TEX15: variants seen among roughly 807,000 people sequenced by gnomAD.
TEX15 encodes testis expressed 15, meiosis and synapsis associated, also known as testis-expressed protein 15.
Under a neutral mutation model 237.3 loss-of-function variants are expected in TEX15, and 171 were observed. The ratio of observed to expected loss-of-function variants is 0.72; its 90% CI spans 0.64 to 0.82. The LOEUF (loss-of-function observed/expected upper bound fraction) is 0.82. Ranked by LOEUF, TEX15 falls within the 40% of genes least tolerant of loss-of-function variation. The pLI, the probability that TEX15 is intolerant of heterozygous loss-of-function variation, is 0.00. For synonymous variants in TEX15, 1,338 were observed against 1,269.8 expected (o/e 1.05, Z -1.14); for missense variants, 3,750 against 3,646.5 (o/e 1.03, Z -0.73).
rs755629625 is a variant in TEX15 at position 30,860,831 on chromosome 8, G to A, written c.541-774C>T. 4.0e-5 allele frequency among the ~76,000 whole-genome samples: 6 copies of A among 150,974 alleles called. No homozygotes were observed. In the East Asian group the frequency reaches 5.9e-4, roughly 15 times the overall value. On this transcript the variant is annotated intron_variant, in intron 5 of 10. Coordinates refer to ENST00000643185, the MANE Select transcript of TEX15 (RefSeq NM_001350162.2). ...TCCGAAAAGCGTTGGGATTACAGGC[G>A]TGAGCCACCGCGCCCAGCCGAGAAT...
intron 1 of TEX15, among the ~76,000 whole-genome samples, chr8:30,911,836 G>T (rs1809225945): frequency 6.6e-6 from 1 of 152,220 alleles, no homozygotes; most frequent in Non-Finnish European, 1.5e-5. Flanking sequence ...GATGGAAACT[G>T]CCTGAAAGGA....
At chr8:30,840,848 A>C (rs1425311327) in intron 8 of TEX15, among the ~76,000 whole-genome samples, 5 of 152,198 alleles carry the variant, frequency 3.3e-5, no homozygotes, top group Non-Finnish European at 7.3e-5. Context: ...ATAATCTGAA[A>C]TAACCTTCTC....
chr8:30,910,050 A>G (rs1361828845), intron 1 of TEX15, among the ~76,000 whole-genome samples: 1 of 152,194 alleles, frequency 6.6e-6, no homozygotes, highest in Non-Finnish European at 1.5e-5. Context: ...CCAAAGCAGT[A>G]CATTTACCAA....
rs185430223 is a variant in TEX15 at position 30,882,513 on chromosome 8, C to A, written c.136+4654G>T. On this transcript the variant is annotated intron_variant, in intron 3 of 10. Coordinates refer to ENST00000643185, the MANE Select transcript of TEX15 (RefSeq NM_001350162.2). ...GTGTAAGCCAGGATGGTCCCAATCT[C>A]CTGACCTTGTGATCTGCCCACCTCA... Among the ~76,000 whole-genome samples, 931 of 152,198 alleles carry A rather than the reference C, an allele frequency of 6.1e-3. 12 individuals carry two copies. The highest frequency in any genetic ancestry group is 0.021 in the African/African-American group (882 of 41,528).
At position 30,883,282 on chromosome 8, in the gene TEX15, T is replaced by C. The variant is rs370453429; in HGVS notation, c.136+3885A>G. Among the ~76,000 whole-genome samples, 13 of 152,274 alleles carry C rather than the reference T, an allele frequency of 8.5e-5. No homozygotes were observed. The East Asian group carries it at 2.5e-3, about 29-fold the overall frequency. On this transcript the variant is annotated intron_variant, in intron 3 of 10. Transcript: ENST00000643185. ...GTTTAAGTGTAGGCAGCTCTTTAAA[T>C]TTAACCAACTCTCATCCTATGGATT...
At chr8:30,903,945 T>C (rs1331922127) in intron 1 of TEX15, among the ~76,000 whole-genome samples, 4 of 152,324 alleles carry the variant, frequency 2.6e-5, no homozygotes, top group Admixed American at 1.3e-4. Flanking sequence ...ACTGAGTGTA[T>C]TCTCTGCTCA....
chr8:30,872,109 C>T (rs1808303755), intron 4 of TEX15, among the ~76,000 whole-genome samples: 1 of 147,128 alleles, frequency 6.8e-6, no homozygotes, highest in South Asian at 2.2e-4. Context: ...CAACAAGCCT[C>T]TGGGACCTTC....
At position 30,845,847 on chromosome 8, in the gene TEX15, A is replaced by G. The variant is rs1807590490; in HGVS notation, c.4320T>C (p.Tyr1440=). Residue 1440 remains tyrosine (Y), a synonymous_variant, in exon 8 of 11, where the codon TAT becomes TAC. Coordinates refer to ENST00000643185, the MANE Select transcript of TEX15 (RefSeq NM_001350162.2). ...QGYSSVSQRK[Y]YSTKHFSSKR... is the part of the protein sequence containing the mutation. The stretch of plus-strand genomic sequence containing the variant: ...TTGACGAAAAATGCTTAGTAGAATA[A>G]TATTTTCTTTGAGACACAGAACTAT... The G allele has an allele frequency of 2.5e-6, 4 of 1,610,534 alleles. No homozygotes were observed. Among genetic ancestry groups the G allele is most frequent in the Admixed American group, 3.4e-5 (2 of 59,382 alleles).
At chr8:30,851,113 A>C (rs1807774628) in intron 7 of TEX15, among the ~76,000 whole-genome samples, 1 of 152,010 alleles carries the variant, frequency 6.6e-6, no homozygotes, top group African/African-American at 2.4e-5. Flanking sequence ...ACCCATTCTT[A>C]CTCATTTACT....
At chr8:30,836,208 T>TTTC (rs1807289873) in intron 10 of TEX15, among the ~76,000 whole-genome samples, 2 of 118,520 alleles carry the variant, frequency 1.7e-5, no homozygotes, top group Non-Finnish European at 3.5e-5. Context: ...CTGTATCGTT[T>TTTC]TTTTTTTTTT....
intron 1 of TEX15, among the ~76,000 whole-genome samples, chr8:30,911,485 A>G (rs1178682423): frequency 2.0e-5 from 3 of 152,056 alleles, no homozygotes; most frequent in Admixed American, 1.3e-4. Flanking sequence ...TTCTCCACCA[A>G]CACACATAGT....
chr8:30,911,618 G>A (rs1024228309), intron 1 of TEX15, among the ~76,000 whole-genome samples: 1 of 152,118 alleles, frequency 6.6e-6, no homozygotes, highest in African/African-American at 2.4e-5. Flanking sequence ...AGGGCGTTGG[G>A]GTGCTTCACA....
At chr8:30,838,807 T>C (rs572975965) in intron 9 of TEX15, among the ~76,000 whole-genome samples, 2 of 128,228 alleles carry the variant, frequency 1.6e-5, no homozygotes, top group African/African-American at 6.0e-5. Context: ...TATATATATA[T>C]ATATATATAT....
At chr8:30,906,410 C>T (rs945540166) in intron 1 of TEX15, among the ~76,000 whole-genome samples, 3 of 151,518 alleles carry the variant, frequency 2.0e-5, no homozygotes, top group African/African-American at 7.3e-5. Flanking sequence ...ATGGTGAAAC[C>T]CCATCTCTAC....
In TEX15 at chr8:30,845,300, T is replaced by C. The variant is rs768328600; in HGVS notation, c.4867A>G (p.Ile1623Val). Reference sequence around the variant, plus strand: ...GTACTAGAATTTATGTTTTCTTTTATGCAACTTAAAGATACAGAATTACTT... The same window carrying C: ...GTACTAGAATTTATGTTTTCTTTTACGCAACTTAAAGATACAGAATTACTT... ...NESNSVSLSC[I>V]KENINSSTGN... The change falls in exon 8 of 11, where the codon ATA becomes GTA. Residue 1623 changes from isoleucine to valine, a missense_variant. Coordinates refer to ENST00000643185, the MANE Select transcript of TEX15 (RefSeq NM_001350162.2). 17 of 1,613,006 alleles carry C rather than the reference T, an allele frequency of 1.1e-5. No individual in the cohort carries two copies. Among genetic ancestry groups the C allele is most frequent in the Non-Finnish European group, 1.4e-5 (16 of 1,179,460 alleles).
At position 30,846,783 on chromosome 8, in the gene TEX15, A is replaced by C. The variant is rs542526118; in HGVS notation, c.3384T>G (p.His1128Gln). The change falls in exon 8 of 11, where the codon CAT (histidine) becomes CAG (glutamine). Residue 1128 changes from histidine (H) to glutamine (Q), a missense_variant. Physicochemically the swap from His to Gln is conservative, Grantham distance 24. Coordinates refer to ENST00000643185, the MANE Select transcript of TEX15 (RefSeq NM_001350162.2). ...AAAAATAGTTACTTTCCTTAGAATA[A>C]TGCTGATCACTATTCTCCCTTCCTG... ...STTGRENSDQHYSKESNYFYS... is the reference protein window; with the variant it reads ...STTGRENSDQQYSKESNYFYS... The C allele has an allele frequency of 9.9e-6, 16 of 1,613,622 alleles. No homozygotes were observed. The highest frequency in any genetic ancestry group is 1.4e-5 in the Non-Finnish European group (16 of 1,179,662).
At chr8:30,859,162 T>C (rs948322398) in intron 6 of TEX15, among the ~76,000 whole-genome samples, 1 of 152,120 alleles carries the variant, frequency 6.6e-6, no homozygotes, top group Non-Finnish European at 1.5e-5. Flanking sequence ...TAACAATAGG[T>C]AATCTGTTTT....
In TEX15 at chr8:30,842,321, T is replaced by G. The variant is rs1164229380; in HGVS notation, c.7846A>C (p.Met2616Leu). 6.2e-7 allele frequency: 1 copy of G among 1,613,762 alleles called. No homozygotes were observed. The highest frequency in any genetic ancestry group is 8.5e-7 in the Non-Finnish European group (1 of 1,179,900). Residue 2616 changes from methionine to leucine, a missense_variant, in exon 8 of 11, where the codon ATG becomes CTG. By Grantham distance (15) the Met-to-Leu change is conservative (BLOSUM62 2). Transcript: ENST00000643185. ...ATCTTCATATGTTCAATCGTTTTCATGACTTTCCTAATGTGGGCCATTTTT... is the reference window on the plus strand; with the variant it reads ...ATCTTCATATGTTCAATCGTTTTCAGGACTTTCCTAATGTGGGCCATTTTT... ...LGKMAHIRKV[M>L]KTIEHMKMIC... is the part of the protein sequence containing the mutation.
intron 5 of TEX15, among the ~76,000 whole-genome samples, chr8:30,865,508 A>T (rs1481620713): frequency 1.3e-5 from 2 of 152,108 alleles, no homozygotes; most frequent in African/African-American, 4.8e-5. Context: ...GAAAGAAGCT[A>T]TGGGCCAATA....
Sources: allele counts gnomAD v4.1 joint callset (sites outside exome capture counted in the v4.1 genomes callset), GRCh38; gene constraint gnomAD v4.1.1; transcripts MANE v1.5; gene names NCBI Gene and HGNC (gene_info 2026-07-23, HGNC 2026-07-21).